AMELX: variants seen among roughly 807,000 people sequenced by gnomAD.
AMELX encodes the protein amelogenin X-linked, also known as amelogenin, X isoform.
In AMELX, 9 loss-of-function variants were observed where a neutral mutation model predicts 15.8. The ratio of observed to expected loss-of-function variants is 0.57; its 90% confidence interval spans 0.34 to 0.99. The LOEUF is 0.99. Among genes scored for constraint, AMELX ranks in the 50% least tolerant of loss-of-function variants. The pLI is 0.02. For missense variants in AMELX, 107 were observed against 156.2 expected (o/e 0.68, Z 1.68); for synonymous variants, 61 against 58.8 (o/e 1.04, Z -0.17).
Position 11,298,814 on chromosome X carries a change from C to G in AMELX, c.411C>G (p.His137Gln). The part of the protein sequence containing the change: ...YQPQPVQPQP[H>Q]QPMQPQPPVH... ...CCCAGCCTGTTCAGCCACAGCCTCA[C>G]CAGCCCATGCAGCCCCAGCCACCTG... Residue 137 changes from histidine to glutamine, a missense_variant, in exon 5 of 6, where the codon CAC becomes CAG. Physicochemically the swap from His to Gln is conservative, Grantham distance 24 (BLOSUM62 0). Coordinates refer to ENST00000380714, the MANE Select transcript of AMELX (RefSeq NM_001142.2). 1.7e-6 allele frequency: 2 copies of G among 1,211,113 alleles called. No homozygotes were observed. Among genetic ancestry groups the G allele is most frequent in the Non-Finnish European group, 2.2e-6 (2 of 895,281 alleles).
At chrX:11,299,806 G>A (rs1318684999) in intron 5 of AMELX, among the ~76,000 whole-genome samples, 1 of 111,875 alleles carries the variant, frequency 8.9e-6, no homozygotes, top group Non-Finnish European at 1.9e-5. Context: ...AAGAAGCCAG[G>A]ACACAAAGGT....
the AMELX span, among the ~76,000 whole-genome samples, chrX:11,308,324 G>T: frequency 9.0e-6 from 1 of 111,521 alleles, no homozygotes; most frequent in Admixed American, 9.5e-5. Flanking sequence ...GAGTTTTAAG[G>T]TTCTTTCTAT....
chrX:11,296,653 A>T (rs1234082209), intron 2 of AMELX, 126 bp from the exon 3 acceptor site: 1 of 803,389 alleles, frequency 1.2e-6, no homozygotes, highest in Non-Finnish European at 1.8e-6. Flanking sequence ...AGATTTTTTT[A>T]AAGTAGCTTC....
chrX:11,303,741 G>C, downstream of AMELX, among the ~76,000 whole-genome samples: 1 of 111,538 alleles, frequency 9.0e-6, no homozygotes, highest in Non-Finnish European at 1.9e-5. Flanking sequence ...CACAAAGCCG[G>C]CTTTCCAGTG....
intron 2 of AMELX, 137 bp from the exon 3 acceptor site, chrX:11,296,642 T>C: frequency 2.8e-6 from 2 of 711,419 alleles, no homozygotes; most frequent in Non-Finnish European, 4.3e-6. Context: ...CTGCACTATA[T>C]AGATTTTTTT....
chrX:11,305,647 C>T (rs2048230426), downstream of AMELX, among the ~76,000 whole-genome samples: 1 of 111,716 alleles, frequency 9.0e-6, no homozygotes, highest in South Asian at 3.8e-4. Context: ...AGTGTAACTA[C>T]TGAATTCAAG....
At chrX:11,300,022 C>T (rs1052674989) in intron 5 of AMELX, among the ~76,000 whole-genome samples, 12 of 111,949 alleles carry the variant, frequency 1.1e-4, no homozygotes, top group South Asian at 3.7e-4. Context: ...AGCATGTTTA[C>T]GGAAAATATG....
In AMELX at chrX:11,296,768, C is replaced by G; in HGVS notation, c.55-11C>G. 1 of 1,207,353 alleles carries G rather than the reference C, an allele frequency of 8.3e-7. No homozygotes were observed. The highest frequency in any genetic ancestry group is 1.1e-6 in the Non-Finnish European group (1 of 891,710). Reference sequence around the variant, plus strand: ...TCTCTTTCTATTCTCCTCCCCTCCTCCCTGTAAAAGCTACCACCTCATCCT... The same window carrying G: ...TCTCTTTCTATTCTCCTCCCCTCCTGCCTGTAAAAGCTACCACCTCATCCT... On this transcript the variant is annotated splice_polypyrimidine_tract_variant and intron_variant, in intron 2 of 5. Coordinates refer to ENST00000380714, the MANE Select transcript of AMELX (RefSeq NM_001142.2).
At chrX:11,296,911 T>C (rs2048094898) in intron 3 of AMELX, 85 bp downstream of exon 3, 1 of 1,087,465 alleles carries the variant, frequency 9.2e-7, no homozygotes. Flanking sequence ...TGATTCTTTA[T>C]CCCAGATGTT....
At chrX:11,302,645 G>A (rs1487054296), downstream of AMELX, among the ~76,000 whole-genome samples, 2 of 110,883 alleles carry the variant, frequency 1.8e-5, no homozygotes, top group East Asian at 5.7e-4. Flanking sequence ...CCATAACCAC[G>A]CATGCTTTCT....
In AMELX at chrX:11,298,586, G is replaced by T. The variant is rs1015746284; in HGVS notation, c.183G>T (p.Leu61=). The T allele has an allele frequency of 4.6e-5, 55 of 1,208,665 alleles. No individual in the cohort carries two copies. The highest frequency in any genetic ancestry group is 5.9e-5 in the Non-Finnish European group (53 of 894,969). The change falls in exon 5 of 6, where the codon CTG becomes CTT. Residue 61 remains leucine (L), a synonymous_variant. Transcript: ENST00000380714. ...GTTACGAGCCCATGGGTGGATGGCT[G>T]CACCACCAAATCATCCCCGTGCTGT... ...SYGYEPMGGW[L]HHQIIPVLSQ...
chrX:11,294,840 C>T lies in AMELX; in HGVS notation c.52C>T (p.Pro18Ser). 1 of 1,211,043 alleles carries T rather than the reference C, an allele frequency of 8.3e-7. No homozygotes were observed. Among genetic ancestry groups the T allele is most frequent in the Non-Finnish European group, 1.1e-6 (1 of 894,933 alleles). ...CCTCCTGGGAGCAGCTTTTGCCATG[C>T]CTGTGAGTAAAACACCCCTTGCATA... is the stretch of plus-strand genomic sequence containing the variant. ...ACLLGAAFAM[P>S]LPPHPGHPGY... The change falls in exon 2 of 6, where the codon CCT (proline) becomes TCT (serine). Residue 18 changes from proline (P) to serine (S), a missense_variant and splice_region_variant. Pro to Ser is a moderately conservative substitution (Grantham distance 74). Coordinates refer to ENST00000380714, the MANE Select transcript of AMELX (RefSeq NM_001142.2).
chrX:11,302,004 G>T (rs1182972485), downstream of AMELX, among the ~76,000 whole-genome samples: 1 of 112,129 alleles, frequency 8.9e-6, no homozygotes, highest in Non-Finnish European at 1.9e-5. Flanking sequence ...TACGTAGTGT[G>T]ATAATACAGA....
downstream of AMELX, among the ~76,000 whole-genome samples, chrX:11,305,372 TA>T (rs1004852740): frequency 3.6e-5 from 4 of 112,174 alleles, no homozygotes; most frequent in East Asian, 2.8e-4. Context: ...ATCTATAAAA[TA>T]AAAAAAGTAA....
At chrX:11,293,680 G>C (rs1169258425) in intron 1 of AMELX, among the ~76,000 whole-genome samples, 1 of 111,224 alleles carries the variant, frequency 9.0e-6, no homozygotes, top group Admixed American at 9.5e-5. Flanking sequence ...AATTCCAAAG[G>C]TCTTTCTTGG....
downstream of AMELX, chrX:11,300,801 C>A: frequency 2.3e-6 from 1 of 433,596 alleles, no homozygotes; most frequent in East Asian, 3.7e-5. Context: ...ATTTTCCTAT[C>A]ATTTGAGATG....
At chrX:11,305,583 A>C (rs944050376), downstream of AMELX, among the ~76,000 whole-genome samples, 1 of 111,682 alleles carries the variant, frequency 9.0e-6, no homozygotes, top group African/African-American at 3.3e-5. Flanking sequence ...AACCTCTGAA[A>C]GTGATTGTGT....
chrX:11,296,218 G>A (rs180886848), intron 2 of AMELX, among the ~76,000 whole-genome samples: 1 of 112,145 alleles, frequency 8.9e-6, no homozygotes, highest in Admixed American at 9.4e-5. Context: ...TTTGTTGTAT[G>A]GAAGTGTTGT....
intron 5 of AMELX, among the ~76,000 whole-genome samples, chrX:11,299,761 G>C (rs1199173034): frequency 8.9e-6 from 1 of 111,810 alleles, no homozygotes; most frequent in Non-Finnish European, 1.9e-5. Flanking sequence ...TTGCTACTGA[G>C]AAGAAGAGAG....
Sources: allele counts gnomAD v4.1 joint callset (sites outside exome capture counted in the v4.1 genomes callset), GRCh38; gene constraint gnomAD v4.1.1; transcripts MANE v1.5; gene names NCBI Gene and HGNC (gene_info 2026-07-23, HGNC 2026-07-21).